The following SUN2 variants were observed in gnomAD, a reference collection of about 807,000 sequenced individuals.
The protein encoded by SUN2 is SUN domain-containing protein 2.
In SUN2, 60 loss-of-function variants were observed where a neutral mutation model predicts 100.0. The observed-to-expected ratio is 0.60, with a 90% confidence interval of 0.49 to 0.74. The LOEUF is 0.74. SUN2 is among the 30% of genes least tolerant of loss of function. The pLI is 0.00. For synonymous variants in SUN2, 367 were observed against 403.3 expected (o/e 0.91, Z 1.08); for missense variants, 834 against 954.6 (o/e 0.87, Z 1.66).
intron 4 of SUN2, 58 bp downstream of exon 4, chr22:38,750,840 C>G: frequency 1.2e-6 from 2 of 1,602,178 alleles, no homozygotes. Flanking sequence ...CCTGCCCAGC[C>G]TTCCTGAGGC....
At position 38,736,023 on chromosome 22, in the gene SUN2, TC is replaced by T. The variant is rs1348722644; in HGVS notation, c.*243del. 1 of 539,816 alleles carries T rather than the reference TC, an allele frequency of 1.9e-6. No individual in the cohort carries two copies. The highest frequency in any genetic ancestry group is 3.2e-5 in the Admixed American group (1 of 31,482). The allele number at this position is 539,816 out of a possible 1,614,324, so 33.4% of individuals were successfully genotyped here. Reference sequence around the variant, plus strand: ...CATGATATGCTACATATATACACACTCCCAGGATGGGAAGCAGACGCCACGG... The same window carrying T: ...CATGATATGCTACATATATACACACTCCAGGATGGGAAGCAGACGCCACGG... On this transcript the variant is annotated 3_prime_UTR_variant, in exon 18 of 18. Coordinates refer to ENST00000689035, the MANE Select transcript of SUN2 (RefSeq NM_015374.3).
rs780349096 is a variant in SUN2 at position 38,742,545 on chromosome 22, C to T, written c.824G>A (p.Arg275His). ...CAGAGAGTGTACCCGGGACATAACA[C>T]GCTGCTCAGCCTGGAAGGGCAGAGA... The part of the protein sequence containing the change: ...DSSPHFQAEQ[R>H]VMSRVHSLER... Residue 275 changes from arginine to histidine, a missense_variant, in exon 9 of 18, where the codon CGT (arginine) becomes CAT (histidine). Around this residue, in one of 3 missense-constraint regions of SUN2, gnomAD observed 559 missense variants for 597.7 expected, o/e 0.94. Transcript: ENST00000689035. The T allele has an allele frequency of 1.3e-5, 21 of 1,610,884 alleles. No individual in the cohort carries two copies. Among genetic ancestry groups the T allele is most frequent in the East Asian group, 4.5e-5 (2 of 44,858 alleles).
rs1569309357 is a variant in SUN2 at position 38,755,983 on chromosome 22, C to A, written c.-258G>T. On this transcript the variant is annotated 5_prime_UTR_variant, in exon 1 of 18. Transcript: ENST00000689035. This position sits in a 1 kb window ranked among gnomAD's most constrained non-coding sequence, Gnocchi z 5.7. ...GAGGCCCGCGCTGCGCGAGTGGGGC[C>A]GGGCGGCGCGCGTGTGGCCGACTCT... 1.0e-6 allele frequency: 1 copy of A among 984,314 alleles called. No homozygotes were observed. The highest frequency in any genetic ancestry group is 1.7e-5 in the African/African-American group (1 of 57,206). 61.0% of individuals were successfully genotyped at this position (984,314 alleles called of 1,614,324 possible).
At chr22:38,742,640 G>A in intron 8 of SUN2, 85 bp from the exon 9 acceptor site, 1 of 1,475,622 alleles carries the variant, frequency 6.8e-7, no homozygotes, top group South Asian at 1.3e-5. Flanking sequence ...AGCCAACACA[G>A]AAAGAAAGGG....
At chr22:38,748,642 C>T (rs2092921684) in intron 7 of SUN2, 71 bp downstream of exon 7, 5 of 1,578,470 alleles carry the variant, frequency 3.2e-6, no homozygotes, top group Non-Finnish European at 4.4e-6. Context: ...CCCTTCCCTG[C>T]CTGCCAAAGG....
intron 10 of SUN2, 121 bp downstream of exon 10, chr22:38,741,373 G>T: frequency 9.8e-7 from 1 of 1,023,094 alleles, no homozygotes; most frequent in Non-Finnish European, 1.5e-6. Context: ...TCAGAGGAGG[G>T]CACTCCCCTC....
chr22:38,753,586 T>C (rs929860861), intron 1 of SUN2, among the ~76,000 whole-genome samples: 36 of 152,198 alleles, frequency 2.4e-4, no homozygotes, highest in Admixed American at 2.4e-3. Flanking sequence ...GGCTCCCACC[T>C]ACGTCCTGAT....
intron 9 of SUN2, among the ~76,000 whole-genome samples, chr22:38,741,851 G>GA (rs2092860733): frequency 6.6e-6 from 1 of 152,208 alleles, no homozygotes; most frequent in Non-Finnish European, 1.5e-5. Flanking sequence ...GCTTAGAGAA[G>GA]GTGAGGAGGC....
chr22:38,752,485 T>C (rs1259964487), intron 2 of SUN2, 22 bp downstream of exon 2: 8 of 1,592,184 alleles, frequency 5.0e-6, no homozygotes, highest in Non-Finnish European at 6.9e-6. Flanking sequence ...TCAGGGGCCG[T>C]GGCACTCCCT....
Position 38,739,477 on chromosome 22 carries a change from C to A in SUN2, c.1579-51G>T. 6.3e-7 allele frequency: 1 copy of A among 1,593,842 alleles called. No homozygotes were observed. The highest frequency in any genetic ancestry group is 2.2e-5 in the East Asian group (1 of 44,624). ...TTGCAGCAGGGAGCAGACGTGTCCC[C>A]CTGTCACCTCGTGGCCGTGGGCCAA... On this transcript the variant is annotated intron_variant, in intron 13 of 17. Coordinates refer to ENST00000689035, the MANE Select transcript of SUN2 (RefSeq NM_015374.3). The surrounding 1 kb of genome is among the most constrained non-coding windows in gnomAD (Gnocchi z 6.7).
intron 9 of SUN2, 122 bp downstream of exon 9, chr22:38,742,179 G>A: frequency 2.4e-6 from 3 of 1,245,372 alleles, no homozygotes; most frequent in Non-Finnish European, 3.3e-6. Flanking sequence ...GAGAAAGGGA[G>A]TAACTGCAAA....
At position 38,740,093 on chromosome 22, in the gene SUN2, A is replaced by G; in HGVS notation, c.1357-150T>C. The stretch of plus-strand genomic sequence containing the variant: ...TTATGAACACTCCATGGGCACTAAC[A>G]AAAACAGGAAGAACGCCTGTCAGTG... On this transcript the variant is annotated intron_variant, in intron 12 of 17. Coordinates refer to ENST00000689035, the MANE Select transcript of SUN2 (RefSeq NM_015374.3). This position sits in a 1 kb window ranked among gnomAD's most constrained non-coding sequence, Gnocchi z 4.8. 8.1e-7 allele frequency: 1 copy of G among 1,233,772 alleles called. No individual in the cohort carries two copies. The highest frequency in any genetic ancestry group is 1.1e-6 in the Non-Finnish European group (1 of 905,618). The allele number at this position is 1,233,772 out of a possible 1,614,324, so 76.4% of individuals were successfully genotyped here. A position where few individuals can be genotyped will look rare whatever the true frequency, so the allele number is the denominator to read the frequency against.
In SUN2 at chr22:38,738,365, G is replaced by C; in HGVS notation, c.1948-100C>G. ...CTCCCACCCAGCAGGTCAGGCACCAGAGTGGCCTATGACAAGTCACTTCAC... is the reference window on the plus strand; with the variant it reads ...CTCCCACCCAGCAGGTCAGGCACCACAGTGGCCTATGACAAGTCACTTCAC... On this transcript the variant is annotated intron_variant, in intron 16 of 17. Transcript: ENST00000689035. This position sits in a 1 kb window ranked among gnomAD's most constrained non-coding sequence, Gnocchi z 6.6. The C allele has an allele frequency of 8.4e-7, 1 of 1,186,186 alleles. No individual in the cohort carries two copies. Among genetic ancestry groups the C allele is most frequent in the South Asian group, 1.4e-5 (1 of 71,870 alleles). The allele number at this position is 1,186,186 out of a possible 1,614,324, so 73.5% of individuals were successfully genotyped here.
In SUN2 at chr22:38,749,745, C is replaced by T. The variant is rs554359744; in HGVS notation, c.614+21G>A. ...ACCCCAGGGCCTTGCGATTTATTGG[C>T]AAGGGTGGAGTCTCGCTCACCTGGT... On this transcript the variant is annotated intron_variant, in intron 6 of 17. Transcript: ENST00000689035. 8 of 1,612,366 alleles carry T rather than the reference C, an allele frequency of 5.0e-6. No homozygotes were observed. The Admixed American group carries it at 6.7e-5, about 13-fold the overall frequency.
At position 38,737,699 on chromosome 22, in the gene SUN2, G is replaced by C. The variant is rs918560448; in HGVS notation, c.2040+474C>G. The stretch of plus-strand genomic sequence containing the variant: ...GGTTTGTTCAAATGCAGGCTCCTGG[G>C]TCCTGTCAGCCCTAAGGAACCAGAC... On this transcript the variant is annotated intron_variant, in intron 17 of 17. Coordinates refer to ENST00000689035, the MANE Select transcript of SUN2 (RefSeq NM_015374.3). This position sits in a 1 kb window ranked among gnomAD's most constrained non-coding sequence, Gnocchi z 4.1. The C allele has an allele frequency of 5.6e-6, 2 of 357,166 alleles. No individual in the cohort carries two copies. Among genetic ancestry groups the C allele is most frequent in the Non-Finnish European group, 1.1e-5 (2 of 181,260 alleles). The allele number at this position is 357,166 out of a possible 1,614,324, so 22.1% of individuals were successfully genotyped here. A position where few individuals can be genotyped will look rare whatever the true frequency, so the allele number is the denominator to read the frequency against.
chr22:38,751,514 C>T, intron 2 of SUN2, 141 bp from the exon 3 acceptor site: 1 of 780,662 alleles, frequency 1.3e-6, no homozygotes, highest in East Asian at 2.7e-5. Context: ...GCTGCCATTC[C>T]CCTGACTCTC....
In SUN2 at chr22:38,755,093, T is replaced by C. The variant is rs767779355; in HGVS notation, c.-38+670A>G. On this transcript the variant is annotated intron_variant, in intron 1 of 17. Coordinates refer to ENST00000689035, the MANE Select transcript of SUN2 (RefSeq NM_015374.3). This position sits in a 1 kb window ranked among gnomAD's most constrained non-coding sequence, Gnocchi z 5.7. The stretch of plus-strand genomic sequence containing the variant: ...CCACTTCTCAGCTGGGCGACTTCCT[T>C]TCTCAATTCCGCCCTTCCCCATCAC... 2.4e-4 allele frequency: 236 copies of C among 986,800 alleles called. No individual in the cohort carries two copies. Among genetic ancestry groups the C allele is most frequent in the Non-Finnish European group, 2.9e-4 (220 of 751,762 alleles). 61.1% of individuals were successfully genotyped at this position (986,800 alleles called of 1,614,324 possible).
At position 38,738,592 on chromosome 22, in the gene SUN2, T is replaced by C. The variant is rs1216450168; in HGVS notation, c.1942A>G (p.Ile648Val). 1.9e-6 allele frequency: 3 copies of C among 1,612,502 alleles called. No homozygotes were observed. The East Asian group carries it at 6.7e-5, about 36-fold the overall frequency. The part of the protein sequence containing the change: ...TISSAPKDFA[I>V]FGFDEDLQQE... ...ACCACAGGACAGATACTCACAAAGATGGCGAAGTCCTTGGGGGCACTGGAG... is the reference window on the plus strand; with the variant it reads ...ACCACAGGACAGATACTCACAAAGACGGCGAAGTCCTTGGGGGCACTGGAG... The change falls in exon 16 of 18, where the codon ATC (isoleucine) becomes GTC (valine). Residue 648 changes from isoleucine to valine, a missense_variant. By Grantham distance (29) the Ile-to-Val change is conservative. Transcript: ENST00000689035. The surrounding 1 kb of genome is among the most constrained non-coding windows in gnomAD (Gnocchi z 6.6).
intron 1 of SUN2, among the ~76,000 whole-genome samples, chr22:38,753,664 T>C (rs913655864): frequency 6.6e-6 from 1 of 152,124 alleles, no homozygotes; most frequent in Non-Finnish European, 1.5e-5. Flanking sequence ...GATGATAAAA[T>C]GGTAAGTGTC....
Sources: allele counts gnomAD v4.1 joint callset (sites outside exome capture counted in the v4.1 genomes callset), GRCh38; gene constraint gnomAD v4.1.1; regional missense constraint gnomAD v4.1.1; non-coding constraint Gnocchi (gnomAD v3.1); transcripts MANE v1.5; gene names NCBI Gene and HGNC (gene_info 2026-07-23, HGNC 2026-07-21).